The following CDH12 variants were observed in gnomAD, a reference collection of about 807,000 sequenced individuals.
The protein encoded by CDH12 is cadherin-12.
A neutral mutation model predicts 74.1 loss-of-function variants in CDH12; 41 were observed. That is an observed-to-expected ratio of 0.55 (90% CI 0.43 to 0.72). CDH12 has a LOEUF of 0.72. CDH12 is among the 30% of genes least tolerant of loss of function. CDH12 has a pLI of 0.00. For synonymous variants in CDH12, 399 were observed against 355.0 expected, an observed-to-expected ratio of 1.12 and a Z score of -1.39; for missense variants, 945 against 977.2, an observed-to-expected ratio of 0.97 and a Z score of 0.44.
At chr5:21,902,942 A>G (rs1579937409) in intron 6 of CDH12, among the ~76,000 whole-genome samples, 1 of 152,248 alleles carries the variant, frequency 6.6e-6, no homozygotes, top group South Asian at 2.1e-4. Context: ...TAGGAAAATA[A>G]GACTGCGCAT....
intron 3 of CDH12, among the ~76,000 whole-genome samples, chr5:22,267,307 C>G (rs926205884): frequency 9.9e-5 from 15 of 152,040 alleles, no homozygotes; most frequent in Admixed American, 8.5e-4. Flanking sequence ...CCTCAGAGTT[C>G]CAGATTCTAT....
intron 1 of CDH12, among the ~76,000 whole-genome samples, chr5:22,591,078 T>C (rs1204748411): frequency 1.3e-5 from 2 of 152,292 alleles, no homozygotes; most frequent in Non-Finnish European, 2.9e-5. Context: ...TCTAAGTGAC[T>C]CCAGCCTCCC....
intron 6 of CDH12, among the ~76,000 whole-genome samples, chr5:21,915,096 G>A (rs1754027599): frequency 6.6e-6 from 1 of 152,102 alleles, no homozygotes; most frequent in Admixed American, 6.6e-5. Flanking sequence ...AAAAGTTATT[G>A]TTTTTCCTAA....
intron 1 of CDH12, among the ~76,000 whole-genome samples, chr5:22,569,111 T>G (rs565747152): frequency 2.6e-5 from 4 of 152,222 alleles, no homozygotes; most frequent in African/African-American, 4.8e-5. Context: ...TGATCCACAG[T>G]AGAACTTCTT....
intron 3 of CDH12, among the ~76,000 whole-genome samples, chr5:22,225,296 C>A (rs562656857): frequency 1.3e-5 from 2 of 152,124 alleles, no homozygotes; most frequent in South Asian, 4.2e-4. Flanking sequence ...AAGAATTGGA[C>A]CTAAATATGT....
chr5:22,057,245 A>C (rs146206107), intron 5 of CDH12, among the ~76,000 whole-genome samples: 1 of 152,340 alleles, frequency 6.6e-6, no homozygotes, highest in African/African-American at 2.4e-5. Flanking sequence ...AAAAAGAGGC[A>C]GCAGGCTGAA....
At position 22,773,868 on chromosome 5, in the gene CDH12, G is replaced by A. The variant is rs1382821163; in HGVS notation, c.-523+79190C>T. 3.3e-5 allele frequency among the ~76,000 whole-genome samples: 5 copies of A among 152,092 alleles called. No homozygotes were observed. The South Asian group carries it at 1.0e-3, about 32-fold the overall frequency. ...CTTCTTGGAAGAAGATATACAAACA[G>A]CCAACAAATATATGAAAAAATAATC... On this transcript the variant is annotated intron_variant, in intron 1 of 14. Coordinates refer to ENST00000382254, the MANE Select transcript of CDH12 (RefSeq NM_004061.5).
At chr5:21,759,918 T>C (rs1169092798) in intron 13 of CDH12, among the ~76,000 whole-genome samples, 1 of 152,072 alleles carries the variant, frequency 6.6e-6, no homozygotes, top group Non-Finnish European at 1.5e-5. Flanking sequence ...CTCCCACTTA[T>C]AAGTGAGAAC....
intron 11 of CDH12, among the ~76,000 whole-genome samples, chr5:21,782,716 T>G (rs769835410): frequency 2.0e-5 from 3 of 152,164 alleles, no homozygotes; most frequent in Non-Finnish European, 4.4e-5. Flanking sequence ...CTTGAGAAAG[T>G]TGTGATAATA....
chr5:22,476,314 A>G (rs2126614494), intron 2 of CDH12, among the ~76,000 whole-genome samples: 1 of 152,270 alleles, frequency 6.6e-6, no homozygotes, highest in East Asian at 1.9e-4. Flanking sequence ...AGATAAGTTA[A>G]GGAATTAAAC....
intron 1 of CDH12, among the ~76,000 whole-genome samples, chr5:22,721,388 G>A (rs1029954995): frequency 6.6e-6 from 1 of 152,192 alleles, no homozygotes; most frequent in Admixed American, 6.5e-5. Flanking sequence ...GGGGCTTATA[G>A]CCCCTTTGTT....
intron 2 of CDH12, among the ~76,000 whole-genome samples, chr5:22,414,094 A>G (rs1175828032): frequency 1.3e-5 from 2 of 152,024 alleles, no homozygotes; most frequent in Non-Finnish European, 2.9e-5. Flanking sequence ...CACATTTATA[A>G]TTGTATGTTT....
At chr5:22,764,159 C>G (rs2127060530) in intron 1 of CDH12, among the ~76,000 whole-genome samples, 1 of 151,820 alleles carries the variant, frequency 6.6e-6, no homozygotes, top group South Asian at 2.1e-4. Flanking sequence ...ACTCTTTATA[C>G]AGATTCTTTA....
intron 4 of CDH12, among the ~76,000 whole-genome samples, chr5:22,124,030 C>T (rs1446993174): frequency 2.0e-5 from 3 of 151,630 alleles, no homozygotes; most frequent in African/African-American, 7.2e-5. Context: ...TGCAGCGGTG[C>T]GATCTCAGCT....
At chr5:22,074,116 G>A (rs1225277638) in intron 5 of CDH12, among the ~76,000 whole-genome samples, 3 of 151,940 alleles carry the variant, frequency 2.0e-5, no homozygotes, top group African/African-American at 7.2e-5. Flanking sequence ...GCAATGTGAA[G>A]ACGATGAGGA....
intron 3 of CDH12, among the ~76,000 whole-genome samples, chr5:22,293,907 A>G (rs887279786): frequency 2.0e-5 from 3 of 152,174 alleles, no homozygotes; most frequent in Admixed American, 6.5e-5. Context: ...AATAAGCTCA[A>G]GAGATCTGAG....
At chr5:22,178,976 T>A (rs1238671750) in intron 4 of CDH12, among the ~76,000 whole-genome samples, 1 of 152,232 alleles carries the variant, frequency 6.6e-6, no homozygotes, top group African/African-American at 2.4e-5. Context: ...AGGACTCAAG[T>A]GGGTCTGAGT....
intron 1 of CDH12, among the ~76,000 whole-genome samples, chr5:22,849,052 T>C (rs1737433089): frequency 6.6e-6 from 1 of 151,970 alleles, no homozygotes; most frequent in Non-Finnish European, 1.5e-5. Flanking sequence ...ATTCAACACA[T>C]AACAAACCCT....
intron 9 of CDH12, 44 bp downstream of exon 9, chr5:21,816,901 A>T (rs1554033628): frequency 1.7e-6 from 2 of 1,192,214 alleles, no homozygotes; most frequent in East Asian, 2.5e-5. Context: ...TATCTTCTTT[A>T]ATTATTATTT....
Sources: gnomAD v4.1 joint callset for allele counts (sites outside exome capture counted in the v4.1 genomes callset) on GRCh38, gnomAD v4.1.1 for gene constraint, MANE v1.5 for transcripts, NCBI Gene and HGNC (gene_info 2026-07-23, HGNC 2026-07-21) for gene names.